Variants in SMIM14 observed in about 807,000 individuals in gnomAD.
The protein encoded by SMIM14 is chromosome 4 open reading frame 34.
In SMIM14, 5 loss-of-function variants were observed where a neutral mutation model predicts 12.6. That is an observed-to-expected ratio of 0.40 (90% CI 0.21 to 0.83). SMIM14 has a LOEUF of 0.83. SMIM14 is among the 40% of genes least tolerant of loss of function. The probability of loss-of-function intolerance (pLI) is 0.37; values close to 1 mark genes in which losing one functional copy is unlikely to be tolerated. For synonymous variants in SMIM14, 30 were observed against 40.1 expected, an observed-to-expected ratio of 0.75 and a Z score of 0.95; for missense variants, 86 against 119.1, an observed-to-expected ratio of 0.72 and a Z score of 1.29.
intron 2 of SMIM14, chr4:39,593,208 A>G (rs1578341016): frequency 6.6e-6 from 1 of 152,162 alleles, no homozygotes; most frequent in Non-Finnish European, 1.5e-5. Flanking sequence ...ATCCACCATG[A>G]CCAAGTGGGC....
At chr4:39,583,943 TCTC>T (rs1380367389) in intron 2 of SMIM14, 1 of 152,094 alleles carries the variant, frequency 6.6e-6, no homozygotes, top group Non-Finnish European at 1.5e-5. Context: ...ACCTGATTAA[TCTC>T]CTCAGGGAAG....
chr4:39,601,241 A>T (rs73240620), intron 2 of SMIM14, among the ~76,000 whole-genome samples: 10,861 of 152,260 alleles, frequency 0.071, 419 homozygotes, highest in Middle Eastern at 0.099. Context: ...AATCATCATT[A>T]AAATCTTCAA....
At chr4:39,622,978 G>C (rs1036935294) in intron 1 of SMIM14, among the ~76,000 whole-genome samples, 1 of 152,124 alleles carries the variant, frequency 6.6e-6, no homozygotes, top group Non-Finnish European at 1.5e-5. Flanking sequence ...AACGGTTACA[G>C]ATTAAAACAA....
At chr4:39,615,383 T>G (rs1715183039) in intron 1 of SMIM14, among the ~76,000 whole-genome samples, 1 of 152,134 alleles carries the variant, frequency 6.6e-6, no homozygotes, top group Non-Finnish European at 1.5e-5. Flanking sequence ...CTTTAAAAAA[T>G]AAATAAATGA....
chr4:39,552,186 A>T, intron 4 of SMIM14, 28 bp from the exon 5 acceptor site: 1 of 1,546,992 alleles, frequency 6.5e-7, no homozygotes, highest in Non-Finnish European at 8.7e-7. Flanking sequence ...TAAATTATTT[A>T]ATTGACTTTT....
Position 39,566,764 on chromosome 4 carries a change from C to T in SMIM14, c.124+5651G>A, listed in dbSNP as rs971617458. On this transcript the variant is annotated intron_variant, in intron 3 of 4. Transcript: ENST00000295958. The stretch of plus-strand genomic sequence containing the variant: ...CAGGCGGATCATGAGGTCAAGAGAT[C>T]GAGACCATTTTGGCCAACATGGTGA... 4.6e-5 allele frequency among the ~76,000 whole-genome samples: 7 copies of T among 152,070 alleles called. No individual in the cohort carries two copies. In the South Asian group the frequency reaches 1.2e-3, roughly 27 times the overall value.
chr4:39,607,580 C>T (rs1714860149), intron 1 of SMIM14, among the ~76,000 whole-genome samples: 1 of 151,980 alleles, frequency 6.6e-6, no homozygotes, highest in African/African-American at 2.4e-5. Flanking sequence ...CATAGTGAGA[C>T]CTCATCTCTG....
At position 39,587,532 on chromosome 4, in the gene SMIM14, ATG is replaced by A. The variant is rs779825128; in HGVS notation, c.76-15071_76-15070del. Among the ~76,000 whole-genome samples, 35 of 149,038 alleles carry A rather than the reference ATG, an allele frequency of 2.3e-4. 2 individuals carry two copies. In the East Asian group the frequency reaches 3.0e-3, roughly 13 times the overall value. ...AAAAAAAAAAAAAAATTCTAGAAAG[ATG>A]TGTGTCTATACTTTCCAAAAACAGC... On this transcript the variant is annotated intron_variant, in intron 2 of 4. Transcript: ENST00000295958.
At chr4:39,563,011 C>A (rs1712393466) in intron 3 of SMIM14, among the ~76,000 whole-genome samples, 1 of 151,942 alleles carries the variant, frequency 6.6e-6, no homozygotes, top group South Asian at 2.1e-4. Context: ...TTACCTCTTA[C>A]CACTTCTCAG....
At chr4:39,621,198 C>T (rs1473471895) in intron 1 of SMIM14, 3 of 152,004 alleles carry the variant, frequency 2.0e-5, no homozygotes, top group African/African-American at 7.2e-5. Context: ...CAGATACATA[C>T]AAACTTTCCA....
At chr4:39,592,132 G>A (rs1714135788) in intron 2 of SMIM14, among the ~76,000 whole-genome samples, 1 of 152,016 alleles carries the variant, frequency 6.6e-6, no homozygotes, top group African/African-American at 2.4e-5. Context: ...GGAGTTCAAG[G>A]CTGCAGTGAT....
chr4:39,555,399 A>AT (rs928397712), intron 4 of SMIM14, among the ~76,000 whole-genome samples: 4 of 151,464 alleles, frequency 2.6e-5, no homozygotes, highest in African/African-American at 9.7e-5. Flanking sequence ...TGTCTGGCTA[A>AT]TTTTTTGTAT....
chr4:39,633,434 C>T (rs879365796), intron 1 of SMIM14, among the ~76,000 whole-genome samples: 13 of 152,154 alleles, frequency 8.5e-5, no homozygotes, highest in South Asian at 2.1e-4. Flanking sequence ...CTGGAAACTA[C>T]ATTCATGCCC....
chr4:39,560,255 T>C lies in SMIM14; in HGVS notation c.125-3685A>G, dbSNP rs1199736861. On this transcript the variant is annotated intron_variant, in intron 3 of 4. Coordinates refer to ENST00000295958, the MANE Select transcript of SMIM14 (RefSeq NM_174921.3). Reference sequence around the variant, plus strand: ...ATCAACAGTTCTTTTCTTTTCTTTTTTTTTTTTTTTTGAGATGGAATCTCG... The same window carrying C: ...ATCAACAGTTCTTTTCTTTTCTTTTCTTTTTTTTTTTGAGATGGAATCTCG... 3.3e-5 allele frequency among the ~76,000 whole-genome samples: 5 copies of C among 150,638 alleles called. No individual in the cohort carries two copies. In the East Asian group the frequency reaches 7.8e-4, roughly 24 times the overall value.
intron 1 of SMIM14, among the ~76,000 whole-genome samples, chr4:39,635,008 A>T (rs1055661670): frequency 6.6e-6 from 1 of 152,190 alleles, no homozygotes; most frequent in Non-Finnish European, 1.5e-5. Flanking sequence ...ACATTTTTTT[A>T]AAATTCCATA....
At chr4:39,603,667 C>T (rs1714698934) in intron 2 of SMIM14, among the ~76,000 whole-genome samples, 1 of 152,092 alleles carries the variant, frequency 6.6e-6, no homozygotes, top group African/African-American at 2.4e-5. Context: ...CTATTCAAAT[C>T]TTGTTGTTCA....
At chr4:39,573,393 C>T (rs1013548842) in intron 2 of SMIM14, among the ~76,000 whole-genome samples, 3 of 152,118 alleles carry the variant, frequency 2.0e-5, no homozygotes, top group Non-Finnish European at 2.9e-5. Context: ...CCACCATGCC[C>T]GTGACCCATG....
At chr4:39,569,395 A>G (rs1712747493) in intron 3 of SMIM14, among the ~76,000 whole-genome samples, 1 of 152,178 alleles carries the variant, frequency 6.6e-6, no homozygotes, top group African/African-American at 2.4e-5. Flanking sequence ...TCTCTTTACA[A>G]TTACCTTACT....
intron 2 of SMIM14, among the ~76,000 whole-genome samples, chr4:39,600,891 C>T (rs1273090076): frequency 6.6e-6 from 1 of 151,282 alleles, no homozygotes; most frequent in African/African-American, 2.4e-5. Context: ...AATAAATAAA[C>T]AAACAAAGCA....
Sources: allele counts gnomAD v4.1 joint callset (sites outside exome capture counted in the v4.1 genomes callset), GRCh38; gene constraint gnomAD v4.1.1; transcripts MANE v1.5; gene names NCBI Gene and HGNC (gene_info 2026-07-23, HGNC 2026-07-21).